The following NOS2 variants were observed in gnomAD, a reference collection of about 807,000 sequenced individuals.
The protein encoded by NOS2 is nitric oxide synthase, inducible.
A neutral mutation model predicts 136.0 loss-of-function variants in NOS2; 96 were observed. The observed-to-expected ratio is 0.71, with a 90% CI of 0.60 to 0.84. NOS2 has a LOEUF of 0.84. Ranked by LOEUF, NOS2 falls within the 40% of genes least tolerant of loss-of-function variation. NOS2 has a pLI of 0.00. For missense variants in NOS2, 1,237 were observed against 1,496.9 expected (o/e 0.83, Z 2.87); for synonymous variants, 539 against 587.5 (o/e 0.92, Z 1.20).
Position 27,787,715 on chromosome 17 carries a change from T to C in NOS2, c.430A>G (p.Ile144Val), listed in dbSNP as rs368423324. 5.0e-6 allele frequency: 8 copies of C among 1,613,572 alleles called. No homozygotes were observed. Among genetic ancestry groups the C allele is most frequent in the Non-Finnish European group, 6.8e-6 (8 of 1,179,830 alleles). Residue 144 changes from isoleucine (I) to valine (V), a missense_variant, in exon 5 of 27, where the codon ATC becomes GTC. By Grantham distance (29) the Ile-to-Val change is conservative (BLOSUM62 3). Around this residue, in one of 3 missense-constraint regions of NOS2, gnomAD observed 440 missense variants for 545.4 expected, o/e 0.81. Transcript: ENST00000313735. Reference sequence around the variant, plus strand: ...CCGTAATATTGGTTGACAAATTCGATAGCTTGAGGTAGAAGCTCATCTGGA... The same window carrying C: ...CCGTAATATTGGTTGACAAATTCGACAGCTTGAGGTAGAAGCTCATCTGGA... The part of the protein sequence containing the change: ...TPPDELLPQA[I>V]EFVNQYYGSF...
intron 5 of NOS2, among the ~76,000 whole-genome samples, chr17:27,784,934 A>G (rs1908973317): frequency 1.3e-5 from 2 of 152,162 alleles, no homozygotes; most frequent in South Asian, 2.1e-4. Context: ...CTCTGGGAGA[A>G]GCAAATGGGT....
At chr17:27,781,217 T>C (rs753983272) in intron 7 of NOS2, 40 bp from the exon 8 acceptor site, 2 of 1,572,746 alleles carry the variant, frequency 1.3e-6, no homozygotes, top group East Asian at 4.5e-5. Flanking sequence ...CACCTAGCCC[T>C]GGTGGGGGCC....
rs138082050 is a variant in NOS2 at position 27,797,038 on chromosome 17, C to T, written c.110+1662G>A. On this transcript the variant is annotated intron_variant, in intron 2 of 26. Coordinates refer to ENST00000313735, the MANE Select transcript of NOS2 (RefSeq NM_000625.4). ...CAAATCTCCTACCCTGCATTCAAGC[C>T]CTTGTGCTCTGGCCTGGCTTTGCCT... Among the ~76,000 whole-genome samples the T allele has an allele frequency of 2.8e-3, 432 of 152,288 alleles. 11 individuals are homozygous for T. The highest frequency in any genetic ancestry group is 3.4e-3 in the Middle Eastern group (1 of 294).
intron 2 of NOS2, among the ~76,000 whole-genome samples, chr17:27,797,435 A>T (rs1597562508): frequency 6.6e-6 from 1 of 152,332 alleles, no homozygotes; most frequent in African/African-American, 2.4e-5. Flanking sequence ...ATAGAGGAGG[A>T]AATTGAGGCT....
intron 22 of NOS2, among the ~76,000 whole-genome samples, 175 bp from the exon 23 acceptor site, chr17:27,761,406 C>T (rs3729507): frequency 6.6e-6 from 1 of 152,052 alleles, no homozygotes; most frequent in African/African-American, 2.4e-5. Flanking sequence ...AAGCGCGGAG[C>T]TGAGGAACGT....
In NOS2 at chr17:27,781,030, G is replaced by A. The variant is rs907377097; in HGVS notation, c.864+6C>T. The A allele has an allele frequency of 2.4e-5, 38 of 1,612,114 alleles. No individual in the cohort carries two copies. The highest frequency in any genetic ancestry group is 5.0e-5 in the Admixed American group (3 of 59,934). ...AATGGCCGGTGGCTGAGGCTGGGCC[G>A]GGTACCTGAGTGAATTCCACGTTGG... On this transcript the variant is annotated splice_donor_region_variant and intron_variant, in intron 8 of 26. Transcript: ENST00000313735.
Position 27,765,827 on chromosome 17 carries a change from G to A in NOS2, c.2247-111C>T, listed in dbSNP as rs948371947. 1.9e-5 allele frequency: 23 copies of A among 1,207,934 alleles called. No individual in the cohort carries two copies. The Admixed American group carries it at 5.1e-4, about 27-fold the overall frequency. 74.8% of individuals were successfully genotyped at this position (1,207,934 alleles called of 1,614,324 possible). ...GTGCCCTCCTTTCATTTTCCTGGCT[G>A]GTTCCACAAGCTAGGCCACCACCCT... On this transcript the variant is annotated intron_variant, in intron 19 of 26. Transcript: ENST00000313735.
In NOS2 at chr17:27,798,855, T is replaced by A. The variant is rs1382645221; in HGVS notation, c.-46A>T. The stretch of plus-strand genomic sequence containing the variant: ...GGTCACTTATGTCACTTATCTGGAT[T>A]TGAGCTCAGATGTTCTTCACTGTGG... On this transcript the variant is annotated 5_prime_UTR_variant, in exon 2 of 27. Transcript: ENST00000313735. 8.3e-7 allele frequency: 1 copy of A among 1,206,782 alleles called. No homozygotes were observed. The allele number at this position is 1,206,782 out of a possible 1,614,324, so 74.8% of individuals were successfully genotyped here.
chr17:27,782,748 T>C (rs1164377246), intron 6 of NOS2, among the ~76,000 whole-genome samples, 196 bp downstream of exon 6: 2 of 152,206 alleles, frequency 1.3e-5, no homozygotes, highest in Admixed American at 6.5e-5. Flanking sequence ...GAAACCCTGG[T>C]GCTGAAACAG....
intron 4 of NOS2, 149 bp from the exon 5 acceptor site, chr17:27,787,975 G>T: frequency 1.3e-6 from 1 of 758,214 alleles, no homozygotes; most frequent in South Asian, 2.2e-5. Context: ...CCTCCTTGGG[G>T]TCCACCTGGC....
chr17:27,798,723 C>T lies in NOS2; in HGVS notation c.87G>A (p.Glu29=). 6.2e-7 allele frequency: 1 copy of T among 1,613,656 alleles called. No individual in the cohort carries two copies. Among genetic ancestry groups the T allele is most frequent in the Non-Finnish European group, 8.5e-7 (1 of 1,179,542 alleles). ...NGEKDINNNV[E]KAPCATSSPV... ...ACCTGGAGGTGGCACAGGGGGCTTT[C>T]TCCACATTGTTGTTGATGTCTTTTT... The change falls in exon 2 of 27, where the codon GAG becomes GAA. Residue 29 remains glutamate (E), a synonymous_variant. Coordinates refer to ENST00000313735, the MANE Select transcript of NOS2 (RefSeq NM_000625.4).
chr17:27,779,527 C>G (rs1202747974), intron 9 of NOS2, among the ~76,000 whole-genome samples: 1 of 152,014 alleles, frequency 6.6e-6, no homozygotes, highest in Admixed American at 6.6e-5. Context: ...AAGAGTCAAA[C>G]AAGAAAACTC....
At chr17:27,780,993 G>A in intron 8 of NOS2, 43 bp downstream of exon 8, 3 of 1,604,526 alleles carry the variant, frequency 1.9e-6, no homozygotes, top group Non-Finnish European at 1.7e-6. Flanking sequence ...TCACCACGGG[G>A]CTCCCCGCCC....
At chr17:27,766,149 C>T (rs1021556857) in intron 19 of NOS2, among the ~76,000 whole-genome samples, 1 of 152,248 alleles carries the variant, frequency 6.6e-6, no homozygotes, top group Non-Finnish European at 1.5e-5. Flanking sequence ...AAGGCTCTTT[C>T]CCAGAGCTGG....
intron 2 of NOS2, among the ~76,000 whole-genome samples, chr17:27,790,392 C>A (rs113905396): frequency 8.5e-5 from 13 of 152,204 alleles, no homozygotes; most frequent in Non-Finnish European, 1.9e-4. Flanking sequence ...CCGCGCCCAG[C>A]CCCAGCCACT....
intron 6 of NOS2, 86 bp from the exon 7 acceptor site, chr17:27,782,192 G>C (rs751663695): frequency 2.5e-6 from 3 of 1,190,384 alleles, no homozygotes; most frequent in Non-Finnish European, 3.7e-6. Flanking sequence ...GGAATCAATA[G>C]TGCAGCCGAA....
rs1162917502 is a variant in NOS2, at chr17:27,780,967, C to G, written c.865-61G>C. ...CCGGGCTGCGTGTCTCCTCTGGGCT[C>G]CACTCTGTCACTCGCTCACCACGGG... On this transcript the variant is annotated intron_variant, in intron 8 of 26. Coordinates refer to ENST00000313735, the MANE Select transcript of NOS2 (RefSeq NM_000625.4). 7 of 1,599,148 alleles carry G rather than the reference C, an allele frequency of 4.4e-6. No homozygotes were observed. In the South Asian group the frequency reaches 7.9e-5, roughly 18 times the overall value.
intron 6 of NOS2, 106 bp downstream of exon 6, chr17:27,782,838 T>G: frequency 8.9e-7 from 1 of 1,126,576 alleles, no homozygotes; most frequent in Non-Finnish European, 1.3e-6. Context: ...GGGCCATGGC[T>G]TCAGTCCCAG....
intron 5 of NOS2, among the ~76,000 whole-genome samples, chr17:27,786,084 G>A (rs1227493723): frequency 6.6e-6 from 1 of 151,436 alleles, no homozygotes; most frequent in Non-Finnish European, 1.5e-5. Flanking sequence ...AGTGCTGTGT[G>A]AGGCTCTCCC....
Sources: allele counts gnomAD v4.1 joint callset (sites outside exome capture counted in the v4.1 genomes callset), GRCh38; gene constraint gnomAD v4.1.1; regional missense constraint gnomAD v4.1.1; transcripts MANE v1.5; gene names NCBI Gene and HGNC (gene_info 2026-07-23, HGNC 2026-07-21).